The following ATOSA variants were observed in gnomAD, a reference collection of about 807,000 sequenced individuals.
The protein encoded by ATOSA is atos homolog protein A.
chr15:52,598,625 G>A, the ATOSA span: 2 of 152,122 alleles, frequency 1.3e-5, no homozygotes, highest in Admixed American at 6.5e-5. Context: ...AGACCTATGG[G>A]TTGGATAGTC....
the ATOSA span, among the ~76,000 whole-genome samples, chr15:52,631,840 T>G: frequency 6.6e-6 from 1 of 152,194 alleles, no homozygotes; most frequent in Non-Finnish European, 1.5e-5. Context: ...TGGACTCAAG[T>G]GATCCTTCTA....
At chr15:52,675,905 C>CA in the ATOSA span, among the ~76,000 whole-genome samples, 8,872 of 95,506 alleles carry the variant, frequency 0.093, 511 homozygotes, top group East Asian at 0.23. Flanking sequence ...GACTCCGTCT[C>CA]AAAAAAAAAA....
At chr15:52,612,023 C>T in the ATOSA span, among the ~76,000 whole-genome samples, 3 of 152,084 alleles carry the variant, frequency 2.0e-5, no homozygotes, top group African/African-American at 4.8e-5. Context: ...CTTGCTCTGT[C>T]GCCCAGGCTG....
chr15:52,653,019 A>G, the ATOSA span, among the ~76,000 whole-genome samples: 8 of 152,226 alleles, frequency 5.3e-5, no homozygotes, highest in Admixed American at 4.6e-4. Flanking sequence ...CGTCGCATCA[A>G]CTAGGATGGT....
At chr15:52,676,344 T>A in the ATOSA span, among the ~76,000 whole-genome samples, 2 of 152,294 alleles carry the variant, frequency 1.3e-5, no homozygotes, top group East Asian at 3.9e-4. Context: ...CATTAATTGG[T>A]GAAGAAATCA....
chr15:52,660,717 T>C, the ATOSA span, among the ~76,000 whole-genome samples: 1 of 152,380 alleles, frequency 6.6e-6, no homozygotes. Context: ...AATGGCTCGA[T>C]GTTGGCTCAC....
chr15:52,687,541 AT>A, the ATOSA span, among the ~76,000 whole-genome samples: 40 of 152,388 alleles, frequency 2.6e-4, no homozygotes, highest in African/African-American at 9.4e-4. Flanking sequence ...AGAAAAGAAC[AT>A]ATTAGCTATA....
the ATOSA span, chr15:52,678,261 C>T: frequency 6.6e-6 from 4 of 606,208 alleles, no homozygotes; most frequent in East Asian, 1.1e-4. Context: ...AAGCAAAACT[C>T]TCTGCACCGC....
the ATOSA span, among the ~76,000 whole-genome samples, chr15:52,698,719 G>A: frequency 6.6e-6 from 1 of 152,198 alleles, no homozygotes; most frequent in African/African-American, 2.4e-5. Context: ...TCAAGGCACA[G>A]ACTGAAAAGT....
chr15:52,606,767 G>A, the ATOSA span, among the ~76,000 whole-genome samples: 5 of 152,098 alleles, frequency 3.3e-5, no homozygotes, highest in Non-Finnish European at 5.9e-5. Flanking sequence ...ATGTTAGAGC[G>A]AGATCTTCTG....
the ATOSA span, among the ~76,000 whole-genome samples, chr15:52,625,232 C>G: frequency 1.3e-5 from 2 of 151,958 alleles, no homozygotes; most frequent in African/African-American, 4.8e-5. Flanking sequence ...AACTAGAATT[C>G]AAGTTTCTCA....
the ATOSA span, among the ~76,000 whole-genome samples, chr15:52,629,818 A>AAAAAAAT: frequency 3.3e-5 from 5 of 151,618 alleles, no homozygotes; most frequent in South Asian, 1.0e-3. Context: ...ATTAAAAAAT[A>AAAAAAAT]AAAAAAAAGA....
At chr15:52,662,065 G>T in the ATOSA span, among the ~76,000 whole-genome samples, 1 of 152,204 alleles carries the variant, frequency 6.6e-6, no homozygotes, top group African/African-American at 2.4e-5. Context: ...AGAGGTTGGT[G>T]ATTATTCACA....
chr15:52,590,014 C>T, the ATOSA span, among the ~76,000 whole-genome samples: 1 of 152,106 alleles, frequency 6.6e-6, no homozygotes, highest in Admixed American at 6.5e-5. Context: ...TCTTGAACTC[C>T]TGACCTCAAG....
chr15:52,586,467 A>G, the ATOSA span: 3 of 152,246 alleles, frequency 2.0e-5, no homozygotes, highest in Non-Finnish European at 2.9e-5. Context: ...AGCCTTAGCT[A>G]GACTCTCTTT....
chr15:52,680,233 T>C, the ATOSA span, among the ~76,000 whole-genome samples: 1 of 152,146 alleles, frequency 6.6e-6, no homozygotes, highest in Non-Finnish European at 1.5e-5. Context: ...AGGAATCTGC[T>C]GTACTTAAAA....
chr15:52,604,995 T>C, the ATOSA span: 1 of 610,392 alleles, frequency 1.6e-6, no homozygotes, highest in Non-Finnish European at 2.8e-6. Flanking sequence ...TAAAATGTGT[T>C]ATCAAAAAAT....
the ATOSA span, among the ~76,000 whole-genome samples, chr15:52,589,715 T>C: frequency 1.3e-5 from 2 of 152,212 alleles, no homozygotes; most frequent in African/African-American, 4.8e-5. Context: ...TCATTTTAAT[T>C]GATCAGCATA....
At chr15:52,678,244 C>G in the ATOSA span, 1 of 615,244 alleles carries the variant, frequency 1.6e-6, no homozygotes, top group Non-Finnish European at 2.9e-6. Flanking sequence ...CTCGGCTGGT[C>G]TGAAAAAAGC....
Sources: allele counts gnomAD v4.1 joint callset (sites outside exome capture counted in the v4.1 genomes callset), GRCh38; gene constraint gnomAD v4.1.1; transcripts MANE v1.5; gene names NCBI Gene and HGNC (gene_info 2026-07-23, HGNC 2026-07-21).